BCAS3: variants seen among roughly 807,000 people sequenced by gnomAD.
The protein encoded by BCAS3 is BCAS3 microtubule associated cell migration factor, also known as BCAS4/BCAS3 fusion.
Under a neutral mutation model 116.1 loss-of-function variants are expected in BCAS3, and 53 were observed. The observed-to-expected ratio is 0.46, with a 90% CI of 0.37 to 0.57. BCAS3 has a LOEUF of 0.57. Ranked by LOEUF, BCAS3 falls within the 20% of genes least tolerant of loss-of-function variation. BCAS3 has a pLI of 0.00. For missense variants in BCAS3, 917 were observed against 1,165.4 expected (o/e 0.79, Z 3.10); for synonymous variants, 391 against 408.2 (o/e 0.96, Z 0.51).
chr17:61,302,421 A>T lies in BCAS3; in HGVS notation c.2426-65906A>T, dbSNP rs1447401938. ...CCACACTATTCCAATAATGAAATGC[A>T]AATTTTCCTGCCTTTTTACTATGGT... is the stretch of plus-strand genomic sequence containing the variant. On this transcript the variant is annotated intron_variant, in intron 22 of 23. Transcript: ENST00000407086. This position sits in a 1 kb window ranked among gnomAD's most constrained non-coding sequence, Gnocchi z 4.4. 6.6e-6 allele frequency among the ~76,000 whole-genome samples: 1 copy of T among 152,218 alleles called. No homozygotes were observed. The highest frequency in any genetic ancestry group is 2.4e-5 in the African/African-American group (1 of 41,450).
chr17:61,060,072 TA>T (rs2069827023), intron 19 of BCAS3, among the ~76,000 whole-genome samples: 1 of 152,084 alleles, frequency 6.6e-6, no homozygotes, highest in African/African-American at 2.4e-5. Flanking sequence ...AAGATGAAAA[TA>T]AAATGGTATA....
At chr17:60,840,196 T>C (rs1238750415) in intron 7 of BCAS3, among the ~76,000 whole-genome samples, 3 of 152,192 alleles carry the variant, frequency 2.0e-5, no homozygotes, top group African/African-American at 7.2e-5. Context: ...TAGGGATTTA[T>C]GAAACTTGAG....
At chr17:60,805,627 A>C (rs2048200614) in intron 6 of BCAS3, among the ~76,000 whole-genome samples, 1 of 152,174 alleles carries the variant, frequency 6.6e-6, no homozygotes, top group African/African-American at 2.4e-5. Flanking sequence ...CAGGAGTTCA[A>C]GATCAGCCTG....
In BCAS3 at chr17:61,139,351, A is replaced by C. The variant is rs1483505345; in HGVS notation, c.2425+54787A>C. On this transcript the variant is annotated intron_variant, in intron 22 of 23. Coordinates refer to ENST00000407086, the MANE Select transcript of BCAS3 (RefSeq NM_017679.5). This position sits in a 1 kb window ranked among gnomAD's most constrained non-coding sequence, Gnocchi z 4.7. ...GTTAAAGATGTCTGTGATCTGGCCA[A>C]ACGAGGTTCACAAATGCTGTTTTCA... Among the ~76,000 whole-genome samples, 1 of 152,194 alleles carries C rather than the reference A, an allele frequency of 6.6e-6. No homozygotes were observed. The highest frequency in any genetic ancestry group is 1.5e-5 in the Non-Finnish European group (1 of 68,032).
At chr17:60,901,994 T>C (rs1244366776) in intron 10 of BCAS3, among the ~76,000 whole-genome samples, 1 of 152,250 alleles carries the variant, frequency 6.6e-6, no homozygotes. Flanking sequence ...AAGTAGTGAT[T>C]CATTTTGAAA....
chr17:60,760,952 T>G (rs934199032), intron 6 of BCAS3, among the ~76,000 whole-genome samples: 5 of 152,098 alleles, frequency 3.3e-5, no homozygotes, highest in African/African-American at 1.2e-4. Context: ...TCAAAAGAAC[T>G]GTCTTCAAGT....
At chr17:60,879,161 CAT>C (rs1409807160) in intron 9 of BCAS3, among the ~76,000 whole-genome samples, 1 of 152,136 alleles carries the variant, frequency 6.6e-6, no homozygotes, top group African/African-American at 2.4e-5. Flanking sequence ...GCCTGTAGCA[CAT>C]AGTTTTTCTA....
At chr17:60,826,271 C>T (rs561329956) in intron 7 of BCAS3, among the ~76,000 whole-genome samples, 1 of 152,100 alleles carries the variant, frequency 6.6e-6, no homozygotes, top group Admixed American at 6.5e-5. Flanking sequence ...GCGGCCTTCA[C>T]CTCCCGGTTT....
In BCAS3 at chr17:61,349,456, A is replaced by C. The variant is rs1232236240; in HGVS notation, c.2426-18871A>C. 2.0e-5 allele frequency among the ~76,000 whole-genome samples: 3 copies of C among 147,926 alleles called. No homozygotes were observed. In the East Asian group the frequency reaches 6.7e-4, roughly 33 times the overall value. On this transcript the variant is annotated intron_variant, in intron 22 of 23. Transcript: ENST00000407086. The surrounding 1 kb of genome is among the most constrained non-coding windows in gnomAD (Gnocchi z 4.7). ...TGAACAACTGAGTGGGAAATTCTGCACTTAGATTATTGGTCCAGTGGAAAT... is the reference window on the plus strand; with the variant it reads ...TGAACAACTGAGTGGGAAATTCTGCCCTTAGATTATTGGTCCAGTGGAAAT...
intron 6 of BCAS3, among the ~76,000 whole-genome samples, chr17:60,767,093 G>C (rs1298192450): frequency 1.3e-5 from 2 of 152,190 alleles, no homozygotes; most frequent in Admixed American, 1.3e-4. Context: ...GATTTTCCCA[G>C]TGCAGTCTGT....
intron 22 of BCAS3, among the ~76,000 whole-genome samples, chr17:61,166,389 CTCTTTTT>C (rs1392700844): frequency 4.3e-5 from 1 of 23,276 alleles, no homozygotes; most frequent in Non-Finnish European, 1.3e-4. Context: ...CTCTCTCTCT[CTCTTTTT>C]TTTTTTTTTT....
chr17:61,000,111 G>A (rs2064136900), intron 15 of BCAS3, among the ~76,000 whole-genome samples: 1 of 152,042 alleles, frequency 6.6e-6, no homozygotes, highest in African/African-American at 2.4e-5. Context: ...CCCATTTAAT[G>A]CCTTTTATTT....
At chr17:61,292,604 A>T (rs1452328264) in intron 22 of BCAS3, among the ~76,000 whole-genome samples, 1 of 152,136 alleles carries the variant, frequency 6.6e-6, no homozygotes, top group Non-Finnish European at 1.5e-5. Context: ...GTGAGCCGAG[A>T]TCACGCCATG....
At chr17:60,898,558 A>G (rs528692139) in intron 10 of BCAS3, among the ~76,000 whole-genome samples, 6 of 152,222 alleles carry the variant, frequency 3.9e-5, no homozygotes, top group South Asian at 2.1e-4. Flanking sequence ...CTGGGATGCC[A>G]GGTTGACTGG....
At chr17:61,236,005 T>C (rs1218688056) in intron 22 of BCAS3, among the ~76,000 whole-genome samples, 1 of 152,214 alleles carries the variant, frequency 6.6e-6, no homozygotes, top group Non-Finnish European at 1.5e-5. Flanking sequence ...AAATTATAGT[T>C]AGTAAAACTT....
intron 5 of BCAS3, among the ~76,000 whole-genome samples, chr17:60,721,904 A>T (rs1167292598): frequency 6.6e-6 from 1 of 152,144 alleles, no homozygotes; most frequent in Non-Finnish European, 1.5e-5. Context: ...TCTGACTTCT[A>T]TCACCATAGA....
At chr17:60,784,297 ATTTTTT>A (rs777660468) in intron 6 of BCAS3, among the ~76,000 whole-genome samples, 2 of 114,840 alleles carry the variant, frequency 1.7e-5, no homozygotes, top group Non-Finnish European at 3.5e-5. Flanking sequence ...AATGAAACAA[ATTTTTT>A]TTTTTTTTTT....
At chr17:60,831,970 A>G (rs943426956) in intron 7 of BCAS3, among the ~76,000 whole-genome samples, 1 of 152,134 alleles carries the variant, frequency 6.6e-6, no homozygotes, top group African/African-American at 2.4e-5. Flanking sequence ...CACCTTTCTC[A>G]GACAAAAAAA....
chr17:61,052,328 G>C (rs549134364), intron 19 of BCAS3, among the ~76,000 whole-genome samples: 10 of 151,934 alleles, frequency 6.6e-5, no homozygotes, highest in African/African-American at 2.2e-4. Context: ...TTCATTCAAT[G>C]TATTTTACAT....
Sources: gnomAD v4.1 joint callset for allele counts (sites outside exome capture counted in the v4.1 genomes callset) on GRCh38, gnomAD v4.1.1 for gene constraint, Gnocchi (gnomAD v3.1) non-coding constraint, MANE v1.5 for transcripts, NCBI Gene and HGNC (gene_info 2026-07-23, HGNC 2026-07-21) for gene names.